The following PTPRG variants were observed in gnomAD, a reference collection of about 807,000 sequenced individuals.
PTPRG encodes the protein receptor-type tyrosine-protein phosphatase gamma.
In PTPRG, 102 loss-of-function variants were observed where a neutral mutation model predicts 165.3. The ratio of observed to expected loss-of-function variants is 0.62; its 90% CI spans 0.53 to 0.73. The LOEUF (loss-of-function observed/expected upper bound fraction) is 0.73, where lower values mean the gene tolerates loss of function less well. Among genes scored for constraint, PTPRG ranks in the 30% least tolerant of loss-of-function variants. The pLI, the probability that PTPRG is intolerant of heterozygous loss-of-function variation, is 0.00. For synonymous variants in PTPRG, 675 were observed against 669.5 expected, an observed-to-expected ratio of 1.01 and a Z score of -0.13; for missense variants, 1,866 against 1,861.4, an observed-to-expected ratio of 1.00 and a Z score of -0.05.
At chr3:61,984,849 C>T (rs1203826945) in intron 2 of PTPRG, among the ~76,000 whole-genome samples, 1 of 152,194 alleles carries the variant, frequency 6.6e-6, no homozygotes, top group African/African-American at 2.4e-5. Flanking sequence ...GACCTTGACA[C>T]TTTTGAGGAG....
chr3:61,862,259 G>GA lies in PTPRG; in HGVS notation c.190+113278dup, dbSNP rs1471119608. Among the ~76,000 whole-genome samples, 5 of 152,312 alleles carry GA rather than the reference G, an allele frequency of 3.3e-5. No homozygotes were observed. In the East Asian group the frequency reaches 9.6e-4, roughly 29 times the overall value. ...AGGCTGTGGTGCCCAAAAGGTGGGG[G>GA]ACCGCTGGTATAATACATTTATTGA... On this transcript the variant is annotated intron_variant, in intron 2 of 29. Transcript: ENST00000474889.
chr3:61,972,806 C>T (rs56073108), intron 2 of PTPRG, among the ~76,000 whole-genome samples: 13,037 of 144,920 alleles, frequency 0.09, 658 homozygotes, highest in Middle Eastern at 0.13. Flanking sequence ...GCGTGTGCCA[C>T]CATGCCCAGC....
At chr3:61,844,089 G>C (rs778511678) in intron 2 of PTPRG, among the ~76,000 whole-genome samples, 1 of 151,178 alleles carries the variant, frequency 6.6e-6, no homozygotes. Context: ...TCAGCCTCCC[G>C]AGTAGCTGGG....
chr3:61,844,613 T>TCCTCCCAATTCAG (rs147482467), intron 2 of PTPRG, among the ~76,000 whole-genome samples: 43,384 of 151,238 alleles, frequency 0.29, 7,422 homozygotes, highest in African/African-American at 0.49. Context: ...GCTCAAGTAA[T>TCCTCCCAATTCAG]CCTCCCAAGT....
At chr3:61,791,163 A>C (rs1302297902) in intron 2 of PTPRG, among the ~76,000 whole-genome samples, 1 of 152,322 alleles carries the variant, frequency 6.6e-6, no homozygotes, top group African/African-American at 2.4e-5. Flanking sequence ...AATTGATCCT[A>C]AGCTATTAGA....
At chr3:61,752,190 A>G (rs921217680) in intron 2 of PTPRG, among the ~76,000 whole-genome samples, 2 of 152,192 alleles carry the variant, frequency 1.3e-5, no homozygotes, top group Admixed American at 1.3e-4. Flanking sequence ...TCTCTCAGCC[A>G]TAATTCTCAA....
intron 2 of PTPRG, among the ~76,000 whole-genome samples, chr3:61,956,230 A>G (rs951101019): frequency 1.1e-4 from 17 of 152,196 alleles, no homozygotes; most frequent in African/African-American, 3.9e-4. Flanking sequence ...CTTGTGTAAC[A>G]TATGTATGTC....
At position 61,583,371 on chromosome 3, in the gene PTPRG, T is replaced by C. The variant is rs1330178287; in HGVS notation, c.85+20999T>C. Among the ~76,000 whole-genome samples, 7 of 152,192 alleles carry C rather than the reference T, an allele frequency of 4.6e-5. No homozygotes were observed. The East Asian group carries it at 1.2e-3, about 25-fold the overall frequency. ...ATAGTGTCTCTGTGCTTGCTGGTCA[T>C]GGACTAGCTTTGTGTCCTCAGGCCC... On this transcript the variant is annotated intron_variant, in intron 1 of 29. Transcript: ENST00000474889.
chr3:61,985,143 C>A (rs975206219), intron 2 of PTPRG, among the ~76,000 whole-genome samples: 1 of 152,216 alleles, frequency 6.6e-6, no homozygotes, highest in Non-Finnish European at 1.5e-5. Flanking sequence ...GTTCTTCTTG[C>A]CAGAGGGGCG....
chr3:61,813,908 G>C (rs376526390), intron 2 of PTPRG, among the ~76,000 whole-genome samples: 4 of 147,624 alleles, frequency 2.7e-5, no homozygotes, highest in Admixed American at 1.3e-4. Context: ...TTTTTTTTGG[G>C]GGGGGTTGGA....
At chr3:61,785,240 T>TA (rs2034659098) in intron 2 of PTPRG, among the ~76,000 whole-genome samples, 2 of 152,304 alleles carry the variant, frequency 1.3e-5, no homozygotes, top group East Asian at 3.9e-4. Flanking sequence ...ATTCAGGAGA[T>TA]ATACATACTT....
chr3:61,607,225 G>C (rs2106862637), intron 1 of PTPRG, among the ~76,000 whole-genome samples: 1 of 152,284 alleles, frequency 6.6e-6, no homozygotes, highest in East Asian at 1.9e-4. Flanking sequence ...ACACTGTAGT[G>C]GTATGGACAG....
chr3:62,131,196 G>T (rs894448007), intron 5 of PTPRG, among the ~76,000 whole-genome samples: 5 of 152,074 alleles, frequency 3.3e-5, no homozygotes, highest in African/African-American at 1.2e-4. Flanking sequence ...AGCAGCTCTG[G>T]CCTCTACCTT....
chr3:61,952,484 C>T (rs1354955789), intron 2 of PTPRG, among the ~76,000 whole-genome samples: 2 of 152,148 alleles, frequency 1.3e-5, no homozygotes, highest in African/African-American at 4.8e-5. Context: ...TACACGGTCT[C>T]CCCAGGCAAC....
At chr3:62,073,564 C>T (rs139026819) in intron 4 of PTPRG, among the ~76,000 whole-genome samples, 10,736 of 152,054 alleles carry the variant, frequency 0.071, 501 homozygotes, top group Non-Finnish European at 0.1. Context: ...CCACAACCTC[C>T]GTCTCCCAGG....
chr3:62,278,409 TCTAAA>T (rs1293040939), intron 26 of PTPRG, among the ~76,000 whole-genome samples: 1 of 152,088 alleles, frequency 6.6e-6, no homozygotes, highest in Non-Finnish European at 1.5e-5. Flanking sequence ...TATTTCAGTC[TCTAAA>T]CTATACAGAA....
rs574809668 is a variant in PTPRG at position 61,972,681 on chromosome 3, C to G, written c.191-16944C>G. ...TTCTTTTTTTTTTTTGAGACATGGT[C>G]TCACTCTGTTGCCCAGGGTGGGGTA... On this transcript the variant is annotated intron_variant, in intron 2 of 29. Coordinates refer to ENST00000474889, the MANE Select transcript of PTPRG (RefSeq NM_002841.4). Among the ~76,000 whole-genome samples, 3 of 141,734 alleles carry G rather than the reference C, an allele frequency of 2.1e-5. No homozygotes were observed. The East Asian group carries it at 6.3e-4, about 30-fold the overall frequency. The allele number at this position is 141,734 out of a possible 152,430, so 93.0% of individuals were successfully genotyped here. A position where few individuals can be genotyped will look rare whatever the true frequency, so the allele number is the denominator to read the frequency against.
Position 62,214,450 on chromosome 3 carries a change from A to T in PTPRG, c.2156-4401A>T, listed in dbSNP as rs773685722. Among the ~76,000 whole-genome samples, 2 of 152,228 alleles carry T rather than the reference A, an allele frequency of 1.3e-5. No homozygotes were observed. The highest frequency in any genetic ancestry group is 2.9e-5 in the Non-Finnish European group (2 of 68,040). On this transcript the variant is annotated intron_variant, in intron 12 of 29. Coordinates refer to ENST00000474889, the MANE Select transcript of PTPRG (RefSeq NM_002841.4). The surrounding 1 kb of genome is among the most constrained non-coding windows in gnomAD (Gnocchi z 5.2). ...AATCTTCATCCCACCACAATGCCGT[A>T]TGCAATATTATTACTTCCATTTACA...
chr3:62,190,032 C>T lies in PTPRG; in HGVS notation c.1034-1437C>T, dbSNP rs116441488. 0.036 allele frequency among the ~76,000 whole-genome samples: 5,537 copies of T among 152,188 alleles called. 130 individuals are homozygous for T. The highest frequency in any genetic ancestry group is 0.053 in the South Asian group (254 of 4,812). On this transcript the variant is annotated intron_variant, in intron 8 of 29. Transcript: ENST00000474889. The surrounding 1 kb of genome is among the most constrained non-coding windows in gnomAD (Gnocchi z 5.2). ...GGCATCTTCCCTGGGTGCCAAAGCC[C>T]GAGCCACCTCTTCCTCTCCCTCCTC...
Sources: gnomAD v4.1 joint callset for allele counts (sites outside exome capture counted in the v4.1 genomes callset) on GRCh38, gnomAD v4.1.1 for gene constraint, Gnocchi (gnomAD v3.1) non-coding constraint, MANE v1.5 for transcripts, NCBI Gene and HGNC (gene_info 2026-07-23, HGNC 2026-07-21) for gene names.